Variants in DTNA observed in about 807,000 individuals in gnomAD.
The protein encoded by DTNA is dystrophin-related protein 3.
In DTNA, 43 loss-of-function variants were observed where a neutral mutation model predicts 100.7. The observed-to-expected ratio is 0.43, with a 90% confidence interval of 0.33 to 0.55. DTNA has a LOEUF of 0.55. Ranked by LOEUF, DTNA falls within the 20% of genes least tolerant of loss-of-function variation. The probability of loss-of-function intolerance (pLI) is 0.04; values close to 1 mark genes in which losing one functional copy is unlikely to be tolerated. For missense variants in DTNA, 798 were observed against 953.9 expected, an observed-to-expected ratio of 0.84 and a Z score of 2.15; for synonymous variants, 349 against 347.9, an observed-to-expected ratio of 1.00 and a Z score of -0.04.
chr18:34,809,654 G>A (rs949219), intron 5 of DTNA, among the ~76,000 whole-genome samples: 3,682 of 152,162 alleles, frequency 0.024, 151 homozygotes, highest in African/African-American at 0.084. Flanking sequence ...CTATTTTTGT[G>A]CATAGGGTTG....
At chr18:34,766,404 TC>T (rs2093470120) in intron 3 of DTNA, among the ~76,000 whole-genome samples, 1 of 152,246 alleles carries the variant, frequency 6.6e-6, no homozygotes, top group Non-Finnish European at 1.5e-5. Context: ...GTTTCCAACA[TC>T]ATTCTCAGCA....
At chr18:34,525,534 G>C (rs1325109400) in intron 1 of DTNA, among the ~76,000 whole-genome samples, 3 of 152,036 alleles carry the variant, frequency 2.0e-5, no homozygotes, top group African/African-American at 7.2e-5. Flanking sequence ...TTAGATCTTT[G>C]GTTCATAAGT....
At chr18:34,587,881 G>A (rs927047214) in intron 1 of DTNA, among the ~76,000 whole-genome samples, 12 of 152,120 alleles carry the variant, frequency 7.9e-5, no homozygotes, top group Admixed American at 6.5e-4. Context: ...TGAAAATCCT[G>A]TATCCCAGGA....
At chr18:34,637,378 G>T (rs1342017248) in intron 1 of DTNA, among the ~76,000 whole-genome samples, 1 of 152,132 alleles carries the variant, frequency 6.6e-6, no homozygotes, top group Non-Finnish European at 1.5e-5. Flanking sequence ...GAAACATGCT[G>T]CCCAAATGGG....
chr18:34,661,948 G>T (rs1055359136), intron 1 of DTNA, among the ~76,000 whole-genome samples: 21 of 152,136 alleles, frequency 1.4e-4, no homozygotes, highest in Admixed American at 4.6e-4. Flanking sequence ...AAAATAGAAA[G>T]ATGTGGCCAC....
Position 34,884,724 on chromosome 18 carries a change from A to T in DTNA, c.2296-4A>T. The T allele has an allele frequency of 1.2e-6, 2 of 1,614,072 alleles. No homozygotes were observed. The highest frequency in any genetic ancestry group is 8.5e-7 in the Non-Finnish European group (1 of 1,179,970). On this transcript the variant is annotated splice_region_variant and splice_polypyrimidine_tract_variant and intron_variant, in intron 21 of 22. Coordinates refer to ENST00000444659, the MANE Select transcript of DTNA (RefSeq NM_001386795.1). ...TTCTCGTTTGTGTCCTTTGTCACCC[A>T]CAGGTCAGCTTGCAAGGTTGAATGC...
chr18:34,780,347 G>A (rs968069416), intron 3 of DTNA, among the ~76,000 whole-genome samples: 3 of 152,152 alleles, frequency 2.0e-5, no homozygotes, highest in African/African-American at 7.2e-5. Context: ...TGTTATAGTA[G>A]ACAGTCAGTG....
intron 1 of DTNA, among the ~76,000 whole-genome samples, chr18:34,514,945 A>G (rs1276817999): frequency 1.3e-5 from 2 of 152,052 alleles, no homozygotes; most frequent in Non-Finnish European, 2.9e-5. Flanking sequence ...GTGTTTTAAT[A>G]TGAAACTCAC....
intron 1 of DTNA, among the ~76,000 whole-genome samples, chr18:34,599,826 C>T (rs893007402): frequency 1.3e-5 from 2 of 152,004 alleles, no homozygotes; most frequent in Admixed American, 6.6e-5. Flanking sequence ...TACAGGCACC[C>T]GCCACCACGC....
intron 4 of DTNA, among the ~76,000 whole-genome samples, chr18:34,800,994 T>C (rs1223847384): frequency 1.3e-5 from 2 of 152,160 alleles, no homozygotes; most frequent in Non-Finnish European, 2.9e-5. Flanking sequence ...TCTCACTTCT[T>C]TATTATGACA....
intron 1 of DTNA, among the ~76,000 whole-genome samples, chr18:34,522,762 A>G (rs536577436): frequency 5.5e-4 from 83 of 152,282 alleles, no homozygotes; most frequent in Middle Eastern, 3.4e-3. Context: ...CAGTATACCC[A>G]CACACAGACC....
chr18:34,525,305 C>G (rs1197325752), intron 1 of DTNA, among the ~76,000 whole-genome samples: 1 of 152,062 alleles, frequency 6.6e-6, no homozygotes, highest in Non-Finnish European at 1.5e-5. Context: ...GCTGAACAAC[C>G]AGGGCAGAGG....
intron 1 of DTNA, among the ~76,000 whole-genome samples, chr18:34,682,147 G>T (rs1441191270): frequency 1.3e-5 from 2 of 152,056 alleles, no homozygotes; most frequent in Non-Finnish European, 2.9e-5. Flanking sequence ...TTGTTTTAGT[G>T]TTGAATAATA....
chr18:34,557,829 T>A (rs2046240513), intron 1 of DTNA: 1 of 152,354 alleles, frequency 6.6e-6, no homozygotes, highest in African/African-American at 2.4e-5. Flanking sequence ...TTTGTTTGTC[T>A]GTGCCCTGCC....
intron 1 of DTNA, among the ~76,000 whole-genome samples, chr18:34,581,211 G>A (rs1293491413): frequency 6.6e-6 from 1 of 152,098 alleles, no homozygotes; most frequent in Admixed American, 6.5e-5. Flanking sequence ...TCGCACCACT[G>A]CACTCCAGCC....
chr18:34,833,820 C>T (rs1184015862), intron 11 of DTNA, among the ~76,000 whole-genome samples: 1 of 152,150 alleles, frequency 6.6e-6, no homozygotes, highest in Non-Finnish European at 1.5e-5. Context: ...CCAAATAGTT[C>T]TCAGTTTCGG....
intron 12 of DTNA, among the ~76,000 whole-genome samples, 189 bp downstream of exon 12, chr18:34,838,360 G>A (rs537507619): frequency 1.3e-5 from 2 of 152,146 alleles, no homozygotes; most frequent in Non-Finnish European, 2.9e-5. Context: ...TCACTTTCCC[G>A]AATTTGTGTC....
intron 1 of DTNA, among the ~76,000 whole-genome samples, chr18:34,626,542 C>T (rs939181653): frequency 6.6e-6 from 1 of 152,104 alleles, no homozygotes; most frequent in Non-Finnish European, 1.5e-5. Context: ...ACAAACTGGT[C>T]ATTACACCTT....
At chr18:34,617,992 A>G (rs2055668786) in intron 1 of DTNA, among the ~76,000 whole-genome samples, 1 of 152,206 alleles carries the variant, frequency 6.6e-6, no homozygotes, top group South Asian at 2.1e-4. Flanking sequence ...CATCTTTTTG[A>G]TAATATAATT....
Sources: gnomAD v4.1 joint callset for allele counts (sites outside exome capture counted in the v4.1 genomes callset) on GRCh38, gnomAD v4.1.1 for gene constraint, MANE v1.5 for transcripts, NCBI Gene and HGNC (gene_info 2026-07-23, HGNC 2026-07-21) for gene names.